Variants in CHRD observed in about 807,000 individuals in gnomAD.
CHRD encodes chordin.
Under a neutral mutation model 113.7 loss-of-function variants are expected in CHRD, and 69 were observed. The ratio of observed to expected loss-of-function variants is 0.61; its 90% CI spans 0.50 to 0.74. CHRD has a LOEUF of 0.74. Among genes scored for constraint, CHRD ranks in the 30% least tolerant of loss-of-function variants. CHRD has a pLI of 0.00. For missense variants in CHRD, 1,194 were observed against 1,295.8 expected (o/e 0.92, Z 1.21); for synonymous variants, 561 against 540.8 (o/e 1.04, Z -0.52).
At chr3:184,385,912 A>T in intron 14 of CHRD, 134 bp from the exon 15 acceptor site, 1 of 879,572 alleles carries the variant, frequency 1.1e-6, no homozygotes, top group Non-Finnish European at 1.8e-6. Context: ...GCTCCACACT[A>T]TTGCCAATGG....
exon 7 of CHRD, chr3:184,382,515 C>A: frequency 6.2e-7 from 1 of 1,613,894 alleles, no homozygotes; most frequent in Middle Eastern, 1.6e-4. Flanking sequence ...CATCCGGCAC[C>A]GGGCCCTGGC....
In CHRD at chr3:184,388,990, G is replaced by T; in HGVS notation, c.2807G>T (p.Arg936Leu). The change falls in exon 22 of 23, where the codon CGG becomes CTG. Residue 936 changes from arginine (R) to leucine (L), a missense_variant. Physicochemically the swap from Arg to Leu is moderately radical, Grantham distance 102 (BLOSUM62 -2). Coordinates refer to ENST00000204604, the Ensembl canonical transcript of CHRD. This position sits in a 1 kb window ranked among gnomAD's most constrained non-coding sequence, Gnocchi z 6.1. ...TGCTGTTCCCGCTGCACGGCCCACC[G>T]GCGGCGTAAGTGAGGGAGTCCAGGG... The T allele has an allele frequency of 6.2e-7, 1 of 1,608,568 alleles. No homozygotes were observed.
chr3:184,388,042 G>C lies in CHRD; in HGVS notation c.2554+9G>C, dbSNP rs556171656. 6.2e-7 allele frequency: 1 copy of C among 1,611,290 alleles called. No homozygotes were observed. Among genetic ancestry groups the C allele is most frequent in the African/African-American group, 1.3e-5 (1 of 75,032 alleles). ...CTGCAAACAGTGTCCAGGTGAGAGA[G>C]GTGGCTGAGCACTGAGGCCTCACCT... On this transcript the variant is annotated intron_variant, in intron 20 of 22. Coordinates refer to ENST00000204604, the Ensembl canonical transcript of CHRD. The surrounding 1 kb of genome is among the most constrained non-coding windows in gnomAD (Gnocchi z 6.1).
At chr3:184,386,528 C>T (rs1475546928) in exon 16 of CHRD, 6 of 1,535,720 alleles carry the variant, frequency 3.9e-6, no homozygotes, top group South Asian at 2.4e-5. Flanking sequence ...TGGCGGACTG[C>T]GCCTGGAGGC....
chr3:184,380,774 C>T lies in CHRD; in HGVS notation c.231C>T (p.Cys77=), dbSNP rs190522280. The T allele has an allele frequency of 3.8e-6, 6 of 1,598,252 alleles. No homozygotes were observed. In the Admixed American group the frequency reaches 8.5e-5, roughly 23 times the overall value. Residue 77 remains cysteine, a synonymous_variant, in exon 2 of 23, where the codon TGC becomes TGT. Coordinates refer to ENST00000204604, the Ensembl canonical transcript of CHRD. The surrounding 1 kb of genome is among the most constrained non-coding windows in gnomAD (Gnocchi z 6.3). ...GGGAGCCATTCGGGGTGATGCGCTG[C>T]GTGCTGTGCGCCTGCGAGGCGGTGA...
intron 15 of CHRD, 55 bp downstream of exon 15, chr3:184,386,214 G>A: frequency 6.4e-7 from 1 of 1,550,844 alleles, no homozygotes; most frequent in East Asian, 2.2e-5. Context: ...AGTTGGAGGG[G>A]CACTGTGTGC....
intron 12 of CHRD, 119 bp downstream of exon 12, chr3:184,383,761 A>C: frequency 1.3e-6 from 1 of 786,846 alleles, no homozygotes. Context: ...CCACTCATTC[A>C]TTTATTCATT....
chr3:184,382,562 C>G, intron 7 of CHRD, 32 bp downstream of exon 7: 5 of 1,612,944 alleles, frequency 3.1e-6, no homozygotes, highest in Non-Finnish European at 4.2e-6. Flanking sequence ...GCGTGAAGTT[C>G]TGAGTCTTCT....
intron 9 of CHRD, 30 bp downstream of exon 9, chr3:184,382,968 C>T: frequency 6.2e-7 from 1 of 1,613,340 alleles, no homozygotes; most frequent in Non-Finnish European, 8.5e-7. Context: ...TCGCTGCCAC[C>T]TGTCTTGGCC....
intron 10 of CHRD, 41 bp downstream of exon 10, chr3:184,383,204 C>T (rs1306482594): frequency 1.3e-6 from 2 of 1,590,590 alleles, no homozygotes; most frequent in African/African-American, 2.7e-5. Flanking sequence ...GCATGCACAA[C>T]TGAGAGACAC....
intron 15 of CHRD, 86 bp downstream of exon 15, chr3:184,386,245 G>C: frequency 7.0e-7 from 1 of 1,422,382 alleles, no homozygotes; most frequent in Non-Finnish European, 9.8e-7. Context: ...GTCACTTGCT[G>C]TCTCTGAGTC....
rs1319353718 is a variant in CHRD, at chr3:184,380,448, C to T, written c.130C>T (p.Pro44Ser). The T allele has an allele frequency of 1.2e-5, 15 of 1,237,258 alleles. No individual in the cohort carries two copies. The highest frequency in any genetic ancestry group is 6.5e-4 in the Middle Eastern group (2 of 3,088). 76.6% of individuals were successfully genotyped at this position (1,237,258 alleles called of 1,614,324 possible). A position where few individuals can be genotyped will look rare whatever the true frequency, so the allele number is the denominator to read the frequency against. ...CATCCGTTCTGAGAAGGAGCCGCTG[C>T]CCGTTCGGGGAGCGGCAGGTAGGTG... The change falls in exon 1 of 23, where the codon CCC becomes TCC. Residue 44 changes from proline to serine, a missense_variant. Physicochemically the swap from Pro to Ser is moderately conservative, Grantham distance 74. Transcript: ENST00000204604. This position sits in a 1 kb window ranked among gnomAD's most constrained non-coding sequence, Gnocchi z 6.3.
In CHRD at chr3:184,388,641, G is replaced by A. The variant is rs374891781; in HGVS notation, c.2609G>A (p.Arg870Gln). Residue 870 changes from arginine to glutamine, a missense_variant, in exon 21 of 23, where the codon CGG (arginine) becomes CAG (glutamine). Transcript: ENST00000204604. This position sits in a 1 kb window ranked among gnomAD's most constrained non-coding sequence, Gnocchi z 6.1. The stretch of plus-strand genomic sequence containing the variant: ...GACCCCATGCAGGCTGATGGGCCCC[G>A]GGGCTGCCGTTTTGCTGGGCAGTGG... 8.1e-5 allele frequency: 130 copies of A among 1,613,514 alleles called. No homozygotes were observed. The highest frequency in any genetic ancestry group is 6.6e-4 in the South Asian group (60 of 91,088).
chr3:184,385,239 G>A lies in CHRD; in HGVS notation c.1818+1G>A, dbSNP rs758923497. On this transcript the variant is annotated splice_donor_variant, in intron 14 of 22. Transcript: ENST00000204604. LOFTEE classifies it high-confidence loss of function. ...GCTGAAGGGATTCTATGGCTCAGAG[G>A]TAAGGATGTGATGGTAGGCGGCAGC... 6.2e-7 allele frequency: 1 copy of A among 1,609,762 alleles called. No individual in the cohort carries two copies. The highest frequency in any genetic ancestry group is 2.2e-5 in the East Asian group (1 of 44,836).
chr3:184,380,877 G>A lies in CHRD; in HGVS notation c.252+82G>A. The A allele has an allele frequency of 9.3e-7, 1 of 1,070,286 alleles. No individual in the cohort carries two copies. The highest frequency in any genetic ancestry group is 1.5e-5 in the South Asian group (1 of 67,630). The allele number at this position is 1,070,286 out of a possible 1,614,324, so 66.3% of individuals were successfully genotyped here. A position where few individuals can be genotyped will look rare whatever the true frequency, so the allele number is the denominator to read the frequency against. ...CGGGCGTCGGAGTGGACTCGGAGCT[G>A]CTGAGAAGGAGCCCAGTCGGCAGAT... is the stretch of plus-strand genomic sequence containing the variant. On this transcript the variant is annotated intron_variant, in intron 2 of 22. Coordinates refer to ENST00000204604, the Ensembl canonical transcript of CHRD. The surrounding 1 kb of genome is among the most constrained non-coding windows in gnomAD (Gnocchi z 6.3).
chr3:184,384,752 G>T lies in CHRD; in HGVS notation c.1597+59G>T. 1 of 1,500,782 alleles carries T rather than the reference G, an allele frequency of 6.7e-7. No homozygotes were observed. 93.0% of individuals were successfully genotyped at this position (1,500,782 alleles called of 1,614,324 possible). On this transcript the variant is annotated intron_variant, in intron 13 of 22. Transcript: ENST00000204604. This position sits in a 1 kb window ranked among gnomAD's most constrained non-coding sequence, Gnocchi z 4.4. Reference sequence around the variant, plus strand: ...TTTCCTAGAACATTTGAGGGATGGTGGCAGACAGCCGGAGCCTGGTGTGTC... The same window carrying T: ...TTTCCTAGAACATTTGAGGGATGGTTGCAGACAGCCGGAGCCTGGTGTGTC...
Position 184,383,140 on chromosome 3 carries a change from T to TTGCTGCCA in CHRD, c.1191_1198dup (p.Arg400MetfsTer20). On this transcript the variant is annotated frameshift_variant, in exon 10 of 23. Transcript: ENST00000204604. LOFTEE classifies it high-confidence loss of function. ...CCAGGGCTGCGCATCAGTGGACACATTGCTGCCAGGAAGAGCTGCGACGGT... is the reference window on the plus strand; with the variant it reads ...CCAGGGCTGCGCATCAGTGGACACATTGCTGCCATGCTGCCAGGAAGAGCTGCGACGGT... 1 of 1,605,158 alleles carries TTGCTGCCA rather than the reference T, an allele frequency of 6.2e-7. No homozygotes were observed. Among genetic ancestry groups the TTGCTGCCA allele is most frequent in the South Asian group, 1.1e-5 (1 of 90,626 alleles).
chr3:184,380,418 C>T lies in CHRD; in HGVS notation c.100C>T (p.Leu34=), dbSNP rs1248697340. The change falls in exon 1 of 23, where the codon CTG becomes TTG. Residue 34 remains leucine, a synonymous_variant. Coordinates refer to ENST00000204604, the Ensembl canonical transcript of CHRD. The surrounding 1 kb of genome is among the most constrained non-coding windows in gnomAD (Gnocchi z 6.3). ...CGGCGCCGGCCCAGAGCCCCCCGTG[C>T]TGCCCATCCGTTCTGAGAAGGAGCC... The T allele has an allele frequency of 7.5e-7, 1 of 1,333,588 alleles. No homozygotes were observed. The highest frequency in any genetic ancestry group is 3.1e-5 in the Admixed American group (1 of 32,372). 82.6% of individuals were successfully genotyped at this position (1,333,588 alleles called of 1,614,324 possible).
At chr3:184,385,174 A>G (rs1193275945) in exon 14 of CHRD, 2 of 1,613,886 alleles carry the variant, frequency 1.2e-6, no homozygotes, top group Non-Finnish European at 1.7e-6. Flanking sequence ...GTCACTGCCC[A>G]CCTCCTTGGG....
Sources: allele counts gnomAD v4.1 joint callset, GRCh38; gene constraint gnomAD v4.1.1; non-coding constraint Gnocchi (gnomAD v3.1); transcripts MANE v1.5; gene names NCBI Gene and HGNC (gene_info 2026-07-23, HGNC 2026-07-21).